The following LINGO2 variants were observed in gnomAD, a reference collection of about 807,000 sequenced individuals.
LINGO2 encodes the protein leucine rich repeat and Ig domain containing 2, also known as leucine-rich repeat and immunoglobulin-like domain-containing nogo receptor-interacting protein 2.
LINGO2 carries 14 observed loss-of-function variants against 30.6 expected under a neutral mutation model. The observed-to-expected ratio is 0.46, with a 90% CI of 0.30 to 0.72. The LOEUF is 0.72. Among genes scored for constraint, LINGO2 ranks in the 30% least tolerant of loss-of-function variants. The pLI is 0.07. For synonymous variants in LINGO2, 317 were observed against 288.5 expected (o/e 1.10, Z -1.00); for missense variants, 729 against 751.7 (o/e 0.97, Z 0.35).
the LINGO2 span, among the ~76,000 whole-genome samples, chr9:29,019,175 G>A: frequency 6.6e-6 from 1 of 152,114 alleles, no homozygotes; most frequent in Non-Finnish European, 1.5e-5. Context: ...TGAGAATTGA[G>A]AAGAAAAGGT....
Position 28,008,801 on chromosome 9 carries a change from G to A in LINGO2, c.-36+3554C>T, listed in dbSNP as rs774150760. ...TGGAAATATACCACATATGTTCACC[G>A]ATTGAAAGGTTTAATACTGTTAAGA... On this transcript the variant is annotated intron_variant, in intron 5 of 5. Transcript: ENST00000379992. Among the ~76,000 whole-genome samples, 42 of 152,198 alleles carry A rather than the reference G, an allele frequency of 2.8e-4. 2 individuals are homozygous for A. Among genetic ancestry groups the A allele is most frequent in the Admixed American group, 5.2e-4 (8 of 15,280 alleles).
Position 28,640,841 on chromosome 9 carries a change from C to A in LINGO2, c.-365+29359G>T, listed in dbSNP as rs189313917. On this transcript the variant is annotated intron_variant, in intron 1 of 5. Coordinates refer to ENST00000379992, the Ensembl canonical transcript of LINGO2. ...TCTCTCAACTCGTCAAAGTCATTCT[C>A]CATCCAGCTTTGTTCTGTTGCTGGT... is the stretch of plus-strand genomic sequence containing the variant. Among the ~76,000 whole-genome samples the A allele has an allele frequency of 1.7e-3, 256 of 152,292 alleles. 1 individual carries two copies. The highest frequency in any genetic ancestry group is 5.7e-3 in the African/African-American group (239 of 41,576).
At chr9:28,134,018 T>C (rs552769681) in intron 4 of LINGO2, among the ~76,000 whole-genome samples, 2 of 152,292 alleles carry the variant, frequency 1.3e-5, no homozygotes, top group East Asian at 3.9e-4. Flanking sequence ...TCTAAACATA[T>C]AGTATCCTTC....
At chr9:28,923,760 G>A in the LINGO2 span, among the ~76,000 whole-genome samples, 1 of 152,170 alleles carries the variant, frequency 6.6e-6, no homozygotes, top group Non-Finnish European at 1.5e-5. Flanking sequence ...AGCAACCAGA[G>A]AACTTCTGGG....
the LINGO2 span, among the ~76,000 whole-genome samples, chr9:28,909,459 A>G: frequency 6.6e-6 from 1 of 151,994 alleles, no homozygotes; most frequent in African/African-American, 2.4e-5. Flanking sequence ...TTAAAAATAT[A>G]CAATATAGTG....
At chr9:28,884,601 G>A in the LINGO2 span, among the ~76,000 whole-genome samples, 8 of 150,988 alleles carry the variant, frequency 5.3e-5, no homozygotes, top group South Asian at 4.2e-4. Flanking sequence ...TTCCCAAATT[G>A]TAAGTTGACT....
the LINGO2 span, among the ~76,000 whole-genome samples, chr9:29,169,191 G>A: frequency 2.6e-5 from 4 of 151,966 alleles, no homozygotes; most frequent in Admixed American, 6.6e-5. Context: ...CAGGTGATCC[G>A]CCCACCTTGG....
intron 2 of LINGO2, among the ~76,000 whole-genome samples, chr9:28,428,293 A>C (rs1410306347): frequency 6.6e-6 from 1 of 152,136 alleles, no homozygotes; most frequent in East Asian, 1.9e-4. Flanking sequence ...TTCTTTGGGC[A>C]ATCTTTGAGG....
At chr9:28,029,913 T>C (rs1425579553) in intron 4 of LINGO2, among the ~76,000 whole-genome samples, 1 of 152,140 alleles carries the variant, frequency 6.6e-6, no homozygotes, top group Non-Finnish European at 1.5e-5. Flanking sequence ...AATTCCATAG[T>C]CCCTAGAGAA....
chr9:28,952,843 A>C, the LINGO2 span, among the ~76,000 whole-genome samples: 3 of 152,172 alleles, frequency 2.0e-5, no homozygotes, highest in Non-Finnish European at 4.4e-5. Context: ...AAATAAAATA[A>C]TACTTGTTTT....
chr9:28,151,211 A>G (rs530273321), intron 4 of LINGO2, among the ~76,000 whole-genome samples: 1 of 152,286 alleles, frequency 6.6e-6, no homozygotes, highest in South Asian at 2.1e-4. Context: ...TTGAATAGCA[A>G]AGATGTTTTC....
At chr9:28,064,984 A>G (rs1451933956) in intron 4 of LINGO2, among the ~76,000 whole-genome samples, 1 of 151,312 alleles carries the variant, frequency 6.6e-6, no homozygotes, top group African/African-American at 2.4e-5. Flanking sequence ...AGCCCTAGAA[A>G]GAGACTTACA....
chr9:28,049,117 T>A (rs901167375), intron 4 of LINGO2, among the ~76,000 whole-genome samples: 1 of 151,000 alleles, frequency 6.6e-6, no homozygotes, highest in African/African-American at 2.4e-5. Context: ...GTGTATGCAA[T>A]GCCTTCATGT....
intron 4 of LINGO2, among the ~76,000 whole-genome samples, chr9:28,083,307 T>C (rs528889574): frequency 6.6e-6 from 1 of 152,252 alleles, no homozygotes; most frequent in Non-Finnish European, 1.5e-5. Context: ...CAATCGTGCT[T>C]GGTCGCTACA....
the LINGO2 span, among the ~76,000 whole-genome samples, chr9:28,974,749 T>A: frequency 6.6e-6 from 1 of 152,112 alleles, no homozygotes; most frequent in Non-Finnish European, 1.5e-5. Flanking sequence ...GTACCTGCTA[T>A]GTGCCTGGTA....
At chr9:29,189,819 G>A in the LINGO2 span, among the ~76,000 whole-genome samples, 2 of 152,006 alleles carry the variant, frequency 1.3e-5, no homozygotes, top group Non-Finnish European at 1.5e-5. Context: ...AGACCAGCCC[G>A]GCCAACACAG....
At chr9:29,141,286 AG>A in the LINGO2 span, among the ~76,000 whole-genome samples, 1 of 152,016 alleles carries the variant, frequency 6.6e-6, no homozygotes, top group Non-Finnish European at 1.5e-5. Context: ...AATAACATGA[AG>A]GGGGCTGAAA....
chr9:28,537,802 A>G (rs185669019), intron 1 of LINGO2, among the ~76,000 whole-genome samples: 243 of 152,048 alleles, frequency 1.6e-3, no homozygotes, highest in Non-Finnish European at 2.4e-3. Context: ...AGTGGTGGTG[A>G]ATGAAAATTA....
At chr9:28,882,230 G>A in the LINGO2 span, among the ~76,000 whole-genome samples, 1 of 152,096 alleles carries the variant, frequency 6.6e-6, no homozygotes, top group African/African-American at 2.4e-5. Flanking sequence ...CTTCCAAAGG[G>A]CAAAAGAGAG....
Sources: allele counts gnomAD v4.1 joint callset (sites outside exome capture counted in the v4.1 genomes callset), GRCh38; gene constraint gnomAD v4.1.1; transcripts MANE v1.5; gene names NCBI Gene and HGNC (gene_info 2026-07-23, HGNC 2026-07-21).